RFFL: variants seen among roughly 807,000 people sequenced by gnomAD.
The protein encoded by RFFL is ring finger and FYVE like domain containing E3 ubiquitin protein ligase, also known as E3 ubiquitin-protein ligase rififylin.
Under a neutral mutation model 40.4 loss-of-function variants are expected in RFFL, and 16 were observed. The observed-to-expected ratio is 0.40, with a 90% CI of 0.27 to 0.60. The LOEUF (loss-of-function observed/expected upper bound fraction) is 0.60. RFFL is among the 20% of genes least tolerant of loss of function. RFFL has a pLI of 0.47. For synonymous variants in RFFL, 154 were observed against 167.9 expected (o/e 0.92, Z 0.64); for missense variants, 367 against 451.7 (o/e 0.81, Z 1.70).
intron 1 of RFFL, among the ~76,000 whole-genome samples, chr17:35,054,620 CA>C (rs201086774): frequency 0.023 from 3,424 of 150,548 alleles, 157 homozygotes; most frequent in African/African-American, 0.08. Flanking sequence ...GGGTTGCTAA[CA>C]AATTCATACA....
intron 1 of RFFL, among the ~76,000 whole-genome samples, chr17:35,057,915 T>C (rs2091269950): frequency 6.6e-6 from 1 of 151,952 alleles, no homozygotes; most frequent in Non-Finnish European, 1.5e-5. Flanking sequence ...GCAGACACTA[T>C]GTTAGATACT....
intron 1 of RFFL, among the ~76,000 whole-genome samples, chr17:35,035,488 A>G (rs2091115163): frequency 6.6e-6 from 1 of 151,794 alleles, no homozygotes. Flanking sequence ...TGCTAGGAAT[A>G]TACATATGTG....
chr17:35,057,388 T>G (rs1308355314), intron 1 of RFFL, among the ~76,000 whole-genome samples: 1 of 151,932 alleles, frequency 6.6e-6, no homozygotes, highest in East Asian at 1.9e-4. Context: ...TATAAATTAT[T>G]TATTGCCCCA....
chr17:35,027,926 G>C (rs1468031140), intron 1 of RFFL, among the ~76,000 whole-genome samples: 1 of 152,044 alleles, frequency 6.6e-6, no homozygotes, highest in African/African-American at 2.4e-5. Flanking sequence ...CCAGCTACTT[G>C]GGAGGCTGAG....
At chr17:35,067,012 G>A (rs1597839407), upstream of RFFL, among the ~76,000 whole-genome samples, 1 of 151,860 alleles carries the variant, frequency 6.6e-6, no homozygotes, top group East Asian at 1.9e-4. Flanking sequence ...AACTCTAGGG[G>A]TACTTAAGAA....
chr17:35,042,823 C>CAAA (rs11296826), intron 1 of RFFL, among the ~76,000 whole-genome samples: 19 of 60,436 alleles, frequency 3.1e-4, no homozygotes, highest in South Asian at 6.0e-4. Flanking sequence ...GACTCCATCT[C>CAAA]AAAAAAAAAA....
intron 1 of RFFL, among the ~76,000 whole-genome samples, chr17:35,085,365 GA>G (rs765162895): frequency 6.6e-6 from 1 of 152,104 alleles, no homozygotes; most frequent in Non-Finnish European, 1.5e-5. Flanking sequence ...TAGAGAGCAG[GA>G]AAAAACAGCT....
chr17:35,028,416 T>C (rs2091058014), intron 1 of RFFL, among the ~76,000 whole-genome samples: 2 of 151,960 alleles, frequency 1.3e-5, no homozygotes, highest in Admixed American at 1.3e-4. Flanking sequence ...AAAGGGCTGA[T>C]GATTTTTACG....
At chr17:35,079,315 C>T (rs2091393080) in intron 1 of RFFL, among the ~76,000 whole-genome samples, 1 of 152,134 alleles carries the variant, frequency 6.6e-6, no homozygotes, top group African/African-American at 2.4e-5. Context: ...TGAGCCACCG[C>T]CCAACCTGTT....
chr17:35,014,106 C>T (rs1452972116), intron 6 of RFFL, among the ~76,000 whole-genome samples: 1 of 152,176 alleles, frequency 6.6e-6, no homozygotes, highest in Non-Finnish European at 1.5e-5. Flanking sequence ...TTTGAAAACA[C>T]ATAGCATATT....
rs542489771 is a variant in RFFL, at chr17:35,071,128, G to T, written c.-9+17977C>A. Among the ~76,000 whole-genome samples, 54 of 150,582 alleles carry T rather than the reference G, an allele frequency of 3.6e-4. 1 individual carries two copies. The highest frequency in any genetic ancestry group is 2.9e-3 in the Admixed American group (44 of 15,108). On this transcript the variant is annotated intron_variant, in intron 1 of 6. Transcript: ENST00000315249. ...CAGGAGAATTGCTTGAACCTGGGAG[G>T]CAGAGGCTGCAGTGAGCCAAGATTA...
chr17:35,025,513 G>T (rs1023823172), intron 2 of RFFL, among the ~76,000 whole-genome samples: 2 of 152,172 alleles, frequency 1.3e-5, no homozygotes, highest in African/African-American at 4.8e-5. Context: ...AGGATTAAAT[G>T]AAATAAAAAA....
At chr17:35,068,366 T>C (rs1015356937), upstream of RFFL, among the ~76,000 whole-genome samples, 4 of 152,232 alleles carry the variant, frequency 2.6e-5, no homozygotes, top group Admixed American at 6.5e-5. Flanking sequence ...TCCTGGGAGA[T>C]AGAGGCTGTC....
intron 1 of RFFL, among the ~76,000 whole-genome samples, chr17:35,056,551 AT>A (rs1394445840): frequency 1.3e-5 from 2 of 151,484 alleles, no homozygotes; most frequent in Non-Finnish European, 2.9e-5. Context: ...CTAATTTTGT[AT>A]TTTTAGTAGA....
chr17:35,064,677 G>A (rs2142372082), upstream of RFFL, among the ~76,000 whole-genome samples: 1 of 152,230 alleles, frequency 6.6e-6, no homozygotes, highest in South Asian at 2.1e-4. Context: ...AAGGCCATCA[G>A]CTATTTCTTA....
chr17:35,063,408 T>C (rs968092211), intron 1 of RFFL, among the ~76,000 whole-genome samples, 168 bp downstream of exon 1: 3 of 114,224 alleles, frequency 2.6e-5, no homozygotes, highest in Middle Eastern at 0.011. Flanking sequence ...TGAGCCGAGA[T>C]CACACCATTG....
rs2090928922 is a variant in RFFL, at chr17:35,010,391, G to A, written c.*1577C>T. On this transcript the variant is annotated 3_prime_UTR_variant, in exon 7 of 7. Coordinates refer to ENST00000394597, the MANE Select transcript of RFFL (RefSeq NM_001017368.2). ...TCTTAAGTCCTCCAGCTCCTCTAGG[G>A]GTGTAAAGACTGTGAGGGCTCAAAT... The A allele has an allele frequency of 6.6e-6, 1 of 152,188 alleles. No individual in the cohort carries two copies. Among genetic ancestry groups the A allele is most frequent in the Non-Finnish European group, 1.5e-5 (1 of 68,082 alleles). 9.4% of individuals were successfully genotyped at this position (152,188 alleles called of 1,614,324 possible).
At chr17:35,028,662 G>C (rs917543294) in intron 1 of RFFL, among the ~76,000 whole-genome samples, 1 of 152,070 alleles carries the variant, frequency 6.6e-6, no homozygotes, top group African/African-American at 2.4e-5. Context: ...ATGCTCTGCT[G>C]TCTCCTGACT....
chr17:35,042,596 C>T (rs1462703005), intron 1 of RFFL, among the ~76,000 whole-genome samples: 2 of 152,060 alleles, frequency 1.3e-5, no homozygotes, highest in Admixed American at 6.5e-5. Context: ...CCAAGGCAGG[C>T]GGATCACCTG....
Sources: gnomAD v4.1 joint callset for allele counts (sites outside exome capture counted in the v4.1 genomes callset) on GRCh38, gnomAD v4.1.1 for gene constraint, MANE v1.5 for transcripts, NCBI Gene and HGNC (gene_info 2026-07-23, HGNC 2026-07-21) for gene names.